HYAL4: variants seen among roughly 807,000 people sequenced by gnomAD.
HYAL4 encodes the protein hyaluronidase-4.
HYAL4 carries 37 observed loss-of-function variants against 35.2 expected under a neutral mutation model. The ratio of observed to expected loss-of-function variants is 1.05; its 90% confidence interval spans 0.81 to 1.38. The LOEUF is 1.38. HYAL4 is among the 40% of genes most tolerant of loss of function. The pLI is 0.00. For missense variants in HYAL4, 572 were observed against 572.4 expected, an observed-to-expected ratio of 1.00 and a Z score of 0.01; for synonymous variants, 198 against 203.2, an observed-to-expected ratio of 0.97 and a Z score of 0.22.
chr7:123,856,109 A>G (rs1806428878), intron 2 of HYAL4, among the ~76,000 whole-genome samples: 1 of 151,866 alleles, frequency 6.6e-6, no homozygotes, highest in Non-Finnish European at 1.5e-5. Flanking sequence ...GTAACCTTTT[A>G]TCAAGGTTCT....
chr7:123,788,908 C>T, the HYAL4 span, among the ~76,000 whole-genome samples: 1 of 152,124 alleles, frequency 6.6e-6, no homozygotes, highest in African/African-American at 2.4e-5. Context: ...TAGCTAAAGC[C>T]CCATGCTGCT....
intron 2 of HYAL4, among the ~76,000 whole-genome samples, chr7:123,852,320 A>G (rs909176821): frequency 2.0e-5 from 3 of 152,158 alleles, no homozygotes; most frequent in Admixed American, 1.3e-4. Context: ...TCCCATGCCT[A>G]TGTCCTGAAT....
chr7:123,864,478 A>T (rs529517057), intron 2 of HYAL4, among the ~76,000 whole-genome samples: 2 of 152,144 alleles, frequency 1.3e-5, no homozygotes, highest in Admixed American at 6.5e-5. Flanking sequence ...TTACAGGAGC[A>T]CATTTGCCTA....
chr7:123,772,960 A>C, the HYAL4 span, among the ~76,000 whole-genome samples: 14 of 152,232 alleles, frequency 9.2e-5, no homozygotes, highest in Admixed American at 9.2e-4. Context: ...TGATAGTGCC[A>C]GCTATTCATG....
At chr7:123,859,764 G>C (rs1444234015) in intron 2 of HYAL4, among the ~76,000 whole-genome samples, 1 of 152,168 alleles carries the variant, frequency 6.6e-6, no homozygotes, top group Non-Finnish European at 1.5e-5. Flanking sequence ...AAAGAACTTT[G>C]AGTTTTTAAA....
chr7:123,820,089 C>T, the HYAL4 span, among the ~76,000 whole-genome samples: 3 of 151,552 alleles, frequency 2.0e-5, no homozygotes, highest in Admixed American at 2.0e-4. Flanking sequence ...GACAGGGTTT[C>T]GTTATGTTGG....
the HYAL4 span, among the ~76,000 whole-genome samples, chr7:123,823,040 A>C: frequency 6.6e-6 from 1 of 151,698 alleles, no homozygotes; most frequent in African/African-American, 2.4e-5. Context: ...GATGTTAGAG[A>C]AAAAGCTTTC....
At position 123,861,633 on chromosome 7, in the gene HYAL4, G is replaced by A. The variant is rs568614593; in HGVS notation, c.-51-6590G>A. Reference sequence around the variant, plus strand: ...AATTTGCTTGCTTCATTAAAAACGAGGCCTTTCAGACTGAATAATATAGTG... The same window carrying A: ...AATTTGCTTGCTTCATTAAAAACGAAGCCTTTCAGACTGAATAATATAGTG... On this transcript the variant is annotated intron_variant, in intron 2 of 4. Coordinates refer to ENST00000223026, the MANE Select transcript of HYAL4 (RefSeq NM_012269.3). Among the ~76,000 whole-genome samples the A allele has an allele frequency of 2.0e-5, 3 of 152,118 alleles. No individual in the cohort carries two copies. The South Asian group carries it at 6.2e-4, about 32-fold the overall frequency.
the HYAL4 span, among the ~76,000 whole-genome samples, chr7:123,789,148 A>G: frequency 2.6e-5 from 4 of 152,252 alleles, no homozygotes; most frequent in African/African-American, 4.8e-5. Context: ...AAAAGCTATG[A>G]TTTATCAGTA....
At chr7:123,837,916 C>T (rs985287821) in intron 1 of HYAL4, among the ~76,000 whole-genome samples, 6 of 151,990 alleles carry the variant, frequency 3.9e-5, no homozygotes, top group East Asian at 1.9e-4. Context: ...TCCAGTCTAT[C>T]GTTGTTGGAC....
At chr7:123,855,416 G>A (rs1181538570) in intron 2 of HYAL4, among the ~76,000 whole-genome samples, 2 of 152,020 alleles carry the variant, frequency 1.3e-5, no homozygotes, top group Non-Finnish European at 2.9e-5. Flanking sequence ...AAATCCCTCA[G>A]CGTTTGCTTG....
In HYAL4 at chr7:123,869,337, A is replaced by G. The variant is rs1432698400; in HGVS notation, c.954+110A>G. On this transcript the variant is annotated intron_variant, in intron 3 of 4. Coordinates refer to ENST00000223026, the MANE Select transcript of HYAL4 (RefSeq NM_012269.3). ...TTGATTTCAATTAATGGTTTGTTAT[A>G]TGGGAGCATAATTCTTCCTTGACTA... 7.9e-6 allele frequency: 6 copies of G among 761,234 alleles called. No individual in the cohort carries two copies. The African/African-American group carries it at 1.1e-4, about 13-fold the overall frequency. 47.2% of individuals were successfully genotyped at this position (761,234 alleles called of 1,614,324 possible).
At chr7:123,799,856 T>C in the HYAL4 span, among the ~76,000 whole-genome samples, 3 of 152,180 alleles carry the variant, frequency 2.0e-5, no homozygotes, top group South Asian at 6.2e-4. Context: ...ATGAAATCAC[T>C]ATTAACTAAA....
chr7:123,864,722 G>A (rs1162447861), intron 2 of HYAL4, among the ~76,000 whole-genome samples: 1 of 151,580 alleles, frequency 6.6e-6, no homozygotes, highest in Non-Finnish European at 1.5e-5. Flanking sequence ...CCTTGGTGAA[G>A]GAAGGACAAG....
chr7:123,825,443 A>C (rs1041464443), upstream of HYAL4, among the ~76,000 whole-genome samples: 1 of 152,150 alleles, frequency 6.6e-6, no homozygotes, highest in Non-Finnish European at 1.5e-5. Context: ...TATAATCAAA[A>C]CTTTCATAGT....
chr7:123,838,373 A>G (rs1412655261), intron 1 of HYAL4, among the ~76,000 whole-genome samples: 3 of 151,850 alleles, frequency 2.0e-5, no homozygotes, highest in Admixed American at 6.6e-5. Context: ...AAAAACTACT[A>G]TTACATAATT....
At chr7:123,822,003 T>C in the HYAL4 span, among the ~76,000 whole-genome samples, 11 of 152,358 alleles carry the variant, frequency 7.2e-5, no homozygotes, top group African/African-American at 2.6e-4. Flanking sequence ...CTGTGACTTG[T>C]ATATCTTCCT....
At chr7:123,843,239 A>G (rs1381874784), upstream of HYAL4, among the ~76,000 whole-genome samples, 2 of 151,900 alleles carry the variant, frequency 1.3e-5, no homozygotes, top group Admixed American at 1.3e-4. Flanking sequence ...AAAGTATTTT[A>G]TTTCTCCTTC....
chr7:123,783,164 T>G, the HYAL4 span, among the ~76,000 whole-genome samples: 1 of 152,184 alleles, frequency 6.6e-6, no homozygotes, highest in African/African-American at 2.4e-5. Context: ...TCAGTTAATT[T>G]CAATAAATAT....
Sources: gnomAD v4.1 joint callset for allele counts (sites outside exome capture counted in the v4.1 genomes callset) on GRCh38, gnomAD v4.1.1 for gene constraint, MANE v1.5 for transcripts, NCBI Gene and HGNC (gene_info 2026-07-23, HGNC 2026-07-21) for gene names.